The following MAPKAPK3 variants were observed in gnomAD, a reference collection of about 807,000 sequenced individuals.
The protein encoded by MAPKAPK3 is MAPK activated protein kinase 3, also known as MAP kinase-activated protein kinase 3.
In MAPKAPK3, 35 loss-of-function variants were observed where a neutral mutation model predicts 49.2. That is an observed-to-expected ratio of 0.71 (90% CI 0.54 to 0.94). The LOEUF (loss-of-function observed/expected upper bound fraction) is 0.94. Among genes scored for constraint, MAPKAPK3 ranks in the 40% least tolerant of loss-of-function variants. The pLI is 0.00. For missense variants in MAPKAPK3, 398 were observed against 493.1 expected, an observed-to-expected ratio of 0.81 and a Z score of 1.83; for synonymous variants, 178 against 188.7, an observed-to-expected ratio of 0.94 and a Z score of 0.46.
At chr3:50,629,167 C>T (rs983261395) in intron 2 of MAPKAPK3, among the ~76,000 whole-genome samples, 1 of 152,120 alleles carries the variant, frequency 6.6e-6, no homozygotes, top group Non-Finnish European at 1.5e-5. Flanking sequence ...AAACAGGATT[C>T]GTGGACTCAA....
chr3:50,634,064 T>A (rs941008859), intron 2 of MAPKAPK3, among the ~76,000 whole-genome samples: 1 of 152,194 alleles, frequency 6.6e-6, no homozygotes, highest in Non-Finnish European at 1.5e-5. Context: ...GCCTTCTGGC[T>A]GCTGGCTCTG....
intron 3 of MAPKAPK3, 27 bp downstream of exon 3, chr3:50,640,532 C>T: frequency 1.3e-6 from 2 of 1,579,326 alleles, no homozygotes; most frequent in Non-Finnish European, 1.7e-6. Context: ...TGTCTCCACA[C>T]CCCCTCGGCA....
chr3:50,645,559 T>C (rs2033270113), intron 6 of MAPKAPK3, 151 bp from the exon 7 acceptor site: 1 of 623,190 alleles, frequency 1.6e-6, no homozygotes, highest in Admixed American at 2.9e-5. Context: ...TTCACACACA[T>C]GCTGCCTTTC....
chr3:50,627,227 T>G (rs1007831209), intron 2 of MAPKAPK3, among the ~76,000 whole-genome samples: 3 of 149,540 alleles, frequency 2.0e-5, no homozygotes, highest in Non-Finnish European at 4.4e-5. Context: ...GGTGCTCTGC[T>G]TGGCAAAGGC....
At chr3:50,616,679 T>A (rs1391058718), upstream of MAPKAPK3, among the ~76,000 whole-genome samples, 2 of 152,072 alleles carry the variant, frequency 1.3e-5, no homozygotes, top group African/African-American at 4.8e-5. Flanking sequence ...AGTGGCGAAT[T>A]CAACAACGAC....
Position 50,646,763 on chromosome 3 carries a change from T to C in MAPKAPK3, c.853T>C (p.Leu285=). Reference sequence around the variant, plus strand: ...AGCCAAGCAGCTGATCCGCCTCCTGTTGAAGACAGACCCCACAGAGAGGCT... The same window carrying C: ...AGCCAAGCAGCTGATCCGCCTCCTGCTGAAGACAGACCCCACAGAGAGGCT... The part of the protein sequence containing the change: ...EDAKQLIRLL[L]KTDPTERLTI... The change falls in exon 9 of 11, where the codon TTG becomes CTG. Residue 285 remains leucine, a synonymous_variant. Coordinates refer to ENST00000621469, the MANE Select transcript of MAPKAPK3 (RefSeq NM_001243925.2). The C allele has an allele frequency of 6.2e-7, 1 of 1,614,058 alleles. No homozygotes were observed. The highest frequency in any genetic ancestry group is 8.5e-7 in the Non-Finnish European group (1 of 1,180,008).
chr3:50,642,335 G>A lies in MAPKAPK3; in HGVS notation c.504+3G>A, dbSNP rs772879007. ...ACATTGCCCACCGAGATGTCAAGGT[G>A]AGGCTCCAGGATTCAGGTTGGGGGC... is the stretch of plus-strand genomic sequence containing the variant. On this transcript the variant is annotated splice_donor_region_variant and intron_variant, in intron 5 of 10. Transcript: ENST00000621469. 3.1e-6 allele frequency: 5 copies of A among 1,611,160 alleles called. No individual in the cohort carries two copies. The highest frequency in any genetic ancestry group is 3.3e-5 in the Admixed American group (2 of 59,978).
At chr3:50,621,827 T>G (rs1337962390) in intron 2 of MAPKAPK3, among the ~76,000 whole-genome samples, 1 of 151,912 alleles carries the variant, frequency 6.6e-6, no homozygotes, top group Non-Finnish European at 1.5e-5. Context: ...AATGGTGGGG[T>G]CTTCTTTCCT....
At chr3:50,644,101 C>A (rs1437027344) in intron 5 of MAPKAPK3, among the ~76,000 whole-genome samples, 1 of 152,182 alleles carries the variant, frequency 6.6e-6, no homozygotes, top group Non-Finnish European at 1.5e-5. Flanking sequence ...AGCACCCTTG[C>A]TCTAGCATTT....
At chr3:50,623,290 A>T (rs1282157145) in intron 2 of MAPKAPK3, among the ~76,000 whole-genome samples, 1 of 152,198 alleles carries the variant, frequency 6.6e-6, no homozygotes, top group East Asian at 1.9e-4. Context: ...ACTGCCAGGG[A>T]TGAGCAATTT....
intron 2 of MAPKAPK3, among the ~76,000 whole-genome samples, chr3:50,624,277 ACGTGTG>A (rs1353421470): frequency 6.8e-6 from 1 of 146,526 alleles, no homozygotes; most frequent in African/African-American, 2.7e-5. Flanking sequence ...GTGTGCACTC[ACGTGTG>A]TGTGTGTGTG....
At chr3:50,617,120 G>A (rs990914874), upstream of MAPKAPK3, 1 of 139,774 alleles carries the variant, frequency 7.2e-6, no homozygotes, top group Admixed American at 7.0e-5. Context: ...GGTGGGGAGG[G>A]GGGGGAGGTC....
intron 5 of MAPKAPK3, among the ~76,000 whole-genome samples, chr3:50,643,618 A>C (rs1355177189): frequency 6.6e-6 from 1 of 151,932 alleles, no homozygotes; most frequent in African/African-American, 2.4e-5. Flanking sequence ...TTTTTTCCCG[A>C]AGAGAGAAAA....
intron 2 of MAPKAPK3, among the ~76,000 whole-genome samples, chr3:50,638,148 G>A (rs1160770926): frequency 6.6e-6 from 1 of 152,196 alleles, no homozygotes; most frequent in Non-Finnish European, 1.5e-5. Flanking sequence ...GATGCCACAA[G>A]GCAGGCAGTG....
At chr3:50,636,738 G>A (rs762309180) in intron 2 of MAPKAPK3, among the ~76,000 whole-genome samples, 3 of 152,184 alleles carry the variant, frequency 2.0e-5, no homozygotes, top group Non-Finnish European at 2.9e-5. Context: ...GAGGCCTGGA[G>A]GAGAAGGCTC....
chr3:50,630,892 G>A (rs1331707563), intron 2 of MAPKAPK3, among the ~76,000 whole-genome samples: 4 of 152,338 alleles, frequency 2.6e-5, no homozygotes, highest in Non-Finnish European at 4.4e-5. Flanking sequence ...ACTGTGTGAG[G>A]TGGCCTCTGC....
At chr3:50,632,048 C>T (rs1006242067) in intron 2 of MAPKAPK3, among the ~76,000 whole-genome samples, 4 of 152,228 alleles carry the variant, frequency 2.6e-5, no homozygotes, top group Non-Finnish European at 5.9e-5. Flanking sequence ...CCTCAGCACT[C>T]CTGGCCCACA....
chr3:50,631,008 G>A (rs1319243102), intron 2 of MAPKAPK3, among the ~76,000 whole-genome samples: 1 of 152,192 alleles, frequency 6.6e-6, no homozygotes, highest in African/African-American at 2.4e-5. Context: ...GGACGTTTGG[G>A]GTCAGTGGTA....
At chr3:50,638,090 G>C (rs1033059853) in intron 2 of MAPKAPK3, among the ~76,000 whole-genome samples, 1 of 152,170 alleles carries the variant, frequency 6.6e-6, no homozygotes, top group Non-Finnish European at 1.5e-5. Flanking sequence ...TTCCAGCTGT[G>C]AGCTTGGACT....
Sources: gnomAD v4.1 joint callset for allele counts (sites outside exome capture counted in the v4.1 genomes callset) on GRCh38, gnomAD v4.1.1 for gene constraint, MANE v1.5 for transcripts, NCBI Gene and HGNC (gene_info 2026-07-23, HGNC 2026-07-21) for gene names.